FILIP1: variants seen among roughly 807,000 people sequenced by gnomAD.
The protein encoded by FILIP1 is filamin-A-interacting protein 1.
In FILIP1, 61 loss-of-function variants were observed where a neutral mutation model predicts 102.1. That is an observed-to-expected ratio of 0.60 (90% confidence interval 0.49 to 0.74). The LOEUF (loss-of-function observed/expected upper bound fraction) is 0.74, where lower values mean the gene tolerates loss of function less well. FILIP1 is among the 30% of genes least tolerant of loss of function. FILIP1 has a pLI of 0.00. For synonymous variants in FILIP1, 491 were observed against 526.9 expected, an observed-to-expected ratio of 0.93 and a Z score of 0.93; for missense variants, 1,314 against 1,441.2, an observed-to-expected ratio of 0.91 and a Z score of 1.43.
chr6:75,444,811 G>C (rs1171622320), intron 1 of FILIP1, among the ~76,000 whole-genome samples: 2 of 152,094 alleles, frequency 1.3e-5, no homozygotes, highest in Admixed American at 6.6e-5. Flanking sequence ...TATTTGTAGA[G>C]AAAAAAATTC....
rs150576610 is a variant in FILIP1 at position 75,314,164 on chromosome 6, T to A, written c.1668A>T (p.Lys556Asn). The A allele has an allele frequency of 1.8e-5, 28 of 1,540,358 alleles. No individual in the cohort carries two copies. The highest frequency in any genetic ancestry group is 2.4e-5 in the Non-Finnish European group (28 of 1,155,292). Residue 556 changes from lysine to asparagine, a missense_variant, in exon 5 of 6, where the codon AAA (lysine) becomes AAT (asparagine). By Grantham distance (94) the Lys-to-Asn change is moderately conservative. Coordinates refer to ENST00000237172, the MANE Select transcript of FILIP1 (RefSeq NM_015687.5). ...CTTTTTCCTCCATTTCAGATTTTAG[T>A]TTTAAAAGTTTCTTACTTTCTTCAA... is the stretch of plus-strand genomic sequence containing the variant. ...KLIEESKKLL[K>N]LKSEMEEKVY...
chr6:75,403,951 C>A (rs1275341930), intron 2 of FILIP1, among the ~76,000 whole-genome samples: 1 of 152,182 alleles, frequency 6.6e-6, no homozygotes, highest in Non-Finnish European at 1.5e-5. Context: ...CACTCCAAAT[C>A]CTGCCATAAT....
intron 4 of FILIP1, among the ~76,000 whole-genome samples, chr6:75,339,417 C>G (rs1290453630): frequency 6.6e-6 from 1 of 152,158 alleles, no homozygotes; most frequent in African/African-American, 2.4e-5. Flanking sequence ...CTGTGCTAGA[C>G]TTTCAAAATA....
intron 1 of FILIP1, among the ~76,000 whole-genome samples, chr6:75,476,967 T>C (rs1779491865): frequency 6.6e-6 from 1 of 152,324 alleles, no homozygotes; most frequent in African/African-American, 2.4e-5. Flanking sequence ...CCAAGGTGGA[T>C]ATTTCCTGGA....
At chr6:75,443,173 C>A (rs953026451) in intron 1 of FILIP1, among the ~76,000 whole-genome samples, 3 of 152,066 alleles carry the variant, frequency 2.0e-5, no homozygotes, top group Admixed American at 2.0e-4. Flanking sequence ...AAAATAAAGT[C>A]AATCCATAGA....
Position 75,363,010 on chromosome 6 carries a change from C to T in FILIP1, c.277-93G>A, listed in dbSNP as rs541234716. On this transcript the variant is annotated intron_variant, in intron 2 of 5. Transcript: ENST00000237172. The stretch of plus-strand genomic sequence containing the variant: ...AACAGAGAGCTTATTGAATACATCC[C>T]CATCTTGTCAGGGCTATTGGCAAAT... 41 of 1,293,332 alleles carry T rather than the reference C, an allele frequency of 3.2e-5. 1 individual carries two copies. In the South Asian group the frequency reaches 4.8e-4, roughly 15 times the overall value. 80.1% of individuals were successfully genotyped at this position (1,293,332 alleles called of 1,614,324 possible). A position where few individuals can be genotyped will look rare whatever the true frequency, so the allele number is the denominator to read the frequency against.
At chr6:75,309,291 G>A (rs10806035) in intron 5 of FILIP1, among the ~76,000 whole-genome samples, 13 of 151,958 alleles carry the variant, frequency 8.6e-5, no homozygotes, top group African/African-American at 2.4e-4. Flanking sequence ...GAAGCCACTC[G>A]CTTTTCACCT....
intron 2 of FILIP1, among the ~76,000 whole-genome samples, chr6:75,364,448 C>T (rs1457652198): frequency 6.6e-6 from 1 of 152,178 alleles, no homozygotes; most frequent in Admixed American, 6.5e-5. Context: ...CTGCCAGGCA[C>T]CATTGTACAA....
chr6:75,372,266 C>G (rs1775545103), intron 2 of FILIP1, among the ~76,000 whole-genome samples: 1 of 150,500 alleles, frequency 6.6e-6, no homozygotes, highest in Admixed American at 6.7e-5. Flanking sequence ...ACTCGAGAGG[C>G]TGAGGCAGGA....
intron 1 of FILIP1, among the ~76,000 whole-genome samples, chr6:75,467,006 C>T (rs566616412): frequency 3.3e-5 from 5 of 152,300 alleles, no homozygotes; most frequent in African/African-American, 4.8e-5. Flanking sequence ...CAGCTAGTTA[C>T]TGTCTCCTTT....
rs538561618 is a variant in FILIP1, at chr6:75,418,089, T to C, written c.-6-3111A>G. On this transcript the variant is annotated intron_variant, in intron 1 of 5. Coordinates refer to ENST00000237172, the MANE Select transcript of FILIP1 (RefSeq NM_015687.5). Reference sequence around the variant, plus strand: ...GGCGTGCGCCTGTAATCTCAGCTACTAGGAAGACTGATGCAGGAGAATCAC... The same window carrying C: ...GGCGTGCGCCTGTAATCTCAGCTACCAGGAAGACTGATGCAGGAGAATCAC... Among the ~76,000 whole-genome samples the C allele has an allele frequency of 2.0e-5, 3 of 152,254 alleles. No individual in the cohort carries two copies. In the East Asian group the frequency reaches 5.8e-4, roughly 29 times the overall value.
downstream of FILIP1, among the ~76,000 whole-genome samples, chr6:75,304,326 C>T (rs1167938921): frequency 3.3e-5 from 5 of 152,206 alleles, no homozygotes; most frequent in African/African-American, 1.2e-4. Context: ...ATCCTCCCAT[C>T]TCAGCTTCCC....
chr6:75,490,569 C>A (rs561404639), intron 1 of FILIP1, among the ~76,000 whole-genome samples: 1 of 151,670 alleles, frequency 6.6e-6, no homozygotes, highest in Non-Finnish European at 1.5e-5. Flanking sequence ...ATAAATAGAA[C>A]CTGGCACCAA....
chr6:75,367,976 T>C (rs998974388), intron 2 of FILIP1, among the ~76,000 whole-genome samples: 6 of 152,232 alleles, frequency 3.9e-5, no homozygotes, highest in Non-Finnish European at 5.9e-5. Flanking sequence ...TAGACCACTA[T>C]ATTTAAATAC....
At chr6:75,400,255 T>C (rs1219001268) in intron 2 of FILIP1, among the ~76,000 whole-genome samples, 2 of 152,146 alleles carry the variant, frequency 1.3e-5, no homozygotes, top group Non-Finnish European at 2.9e-5. Flanking sequence ...AGAAAAAAAT[T>C]GAACTGGAAA....
At chr6:75,330,688 A>G (rs748175025) in intron 4 of FILIP1, among the ~76,000 whole-genome samples, 11 of 152,200 alleles carry the variant, frequency 7.2e-5, no homozygotes, top group Non-Finnish European at 1.6e-4. Flanking sequence ...CAGTAATTTA[A>G]TTACATTTCC....
chr6:75,485,043 A>G (rs1779744958), intron 1 of FILIP1, among the ~76,000 whole-genome samples: 2 of 152,114 alleles, frequency 1.3e-5, no homozygotes, highest in African/African-American at 4.8e-5. Flanking sequence ...GAGAACACAA[A>G]TACTCTTTTT....
At chr6:75,424,290 A>G (rs538522501) in intron 1 of FILIP1, among the ~76,000 whole-genome samples, 1 of 152,312 alleles carries the variant, frequency 6.6e-6, no homozygotes, top group East Asian at 1.9e-4. Flanking sequence ...AGGGCATAGC[A>G]TCCCCCAAGA....
In FILIP1 at chr6:75,331,695, C is replaced by A. The variant is rs150280231; in HGVS notation, c.630-16493G>T. Among the ~76,000 whole-genome samples, 1,327 of 152,250 alleles carry A rather than the reference C, an allele frequency of 8.7e-3. 10 individuals are homozygous for A. Among genetic ancestry groups the A allele is most frequent in the African/African-American group, 0.022 (894 of 41,530 alleles). The stretch of plus-strand genomic sequence containing the variant: ...AGAACTGGAAAGATCTCCTTCCTTT[C>A]TATGGAATCAGTGCCATGCTGCGAC... On this transcript the variant is annotated intron_variant, in intron 4 of 5. Transcript: ENST00000237172.
Sources: allele counts gnomAD v4.1 joint callset (sites outside exome capture counted in the v4.1 genomes callset), GRCh38; gene constraint gnomAD v4.1.1; transcripts MANE v1.5; gene names NCBI Gene and HGNC (gene_info 2026-07-23, HGNC 2026-07-21).